NPSR1: variants seen among roughly 807,000 people sequenced by gnomAD.
The protein encoded by NPSR1 is neuropeptide S receptor 1.
A neutral mutation model predicts 46.9 loss-of-function variants in NPSR1; 48 were observed. The ratio of observed to expected loss-of-function variants is 1.02; its 90% CI spans 0.81 to 1.30. The LOEUF is 1.30. Ranked by LOEUF, NPSR1 falls within the 50% of genes most tolerant of loss-of-function variation. The probability of loss-of-function intolerance (pLI) is 0.00; values close to 1 mark genes in which losing one functional copy is unlikely to be tolerated. For missense variants in NPSR1, 450 were observed against 449.5 expected (o/e 1.00, Z -0.01); for synonymous variants, 176 against 168.1 (o/e 1.05, Z -0.36).
intron 2 of NPSR1, among the ~76,000 whole-genome samples, chr7:34,722,742 G>C (rs947915886): frequency 6.6e-6 from 1 of 152,198 alleles, no homozygotes; most frequent in South Asian, 2.1e-4. Flanking sequence ...GATGGTGTTG[G>C]AGATCCATTA....
chr7:34,715,797 G>A (rs562623795), intron 2 of NPSR1, among the ~76,000 whole-genome samples: 2 of 152,282 alleles, frequency 1.3e-5, no homozygotes, highest in African/African-American at 4.8e-5. Context: ...TAGCCCAGGG[G>A]CACCATGATG....
intron 2 of NPSR1, chr7:34,751,459 C>T: frequency 2.6e-6 from 3 of 1,142,286 alleles, no homozygotes; most frequent in Non-Finnish European, 4.0e-6. Flanking sequence ...TTCCATCTTG[C>T]AGAAGCCGCG....
chr7:34,781,675 G>T (rs1236481542), intron 3 of NPSR1, among the ~76,000 whole-genome samples: 2 of 152,164 alleles, frequency 1.3e-5, no homozygotes, highest in Admixed American at 1.3e-4. Context: ...AGAAGCAGTT[G>T]CTGTCGAGCT....
intron 2 of NPSR1, among the ~76,000 whole-genome samples, chr7:34,686,976 A>AAAG (rs1424683450): frequency 6.6e-6 from 1 of 151,246 alleles, no homozygotes; most frequent in Non-Finnish European, 1.5e-5. Context: ...AAAAAAAAAA[A>AAAG]AAAAAGAAAT....
intron 4 of NPSR1, among the ~76,000 whole-genome samples, chr7:34,825,122 G>C (rs1789759752): frequency 6.6e-6 from 1 of 152,098 alleles, no homozygotes; most frequent in Admixed American, 6.5e-5. Flanking sequence ...TCATGGCCTG[G>C]TGGTGGTGAA....
intron 2 of NPSR1, chr7:34,750,125 T>A (rs1263249714): frequency 3.7e-6 from 1 of 272,892 alleles, no homozygotes; most frequent in Non-Finnish European, 6.7e-6. Context: ...AGATCGTGTA[T>A]GTATTTTTTT....
chr7:34,690,920 T>G (rs528741881), intron 2 of NPSR1, among the ~76,000 whole-genome samples: 1 of 152,282 alleles, frequency 6.6e-6, no homozygotes, highest in African/African-American at 2.4e-5. Context: ...CCAAGACGTA[T>G]AGTCATCAGA....
intron 4 of NPSR1, among the ~76,000 whole-genome samples, chr7:34,821,729 C>T (rs1462295815): frequency 6.6e-6 from 1 of 152,170 alleles, no homozygotes; most frequent in African/African-American, 2.4e-5. Context: ...TGTGTAATAT[C>T]ATCAAGAGTG....
In NPSR1 at chr7:34,658,225, G is replaced by A. The variant is rs1791274239; in HGVS notation, c.-188G>A. ...CTATGCTGGCTACCTGGTGGTAATT[G>A]CCAAGGAGAGAGCAGCACGTAGATC... On this transcript the variant is annotated 5_prime_UTR_variant, in exon 1 of 9. Transcript: ENST00000360581. 3 of 610,328 alleles carry A rather than the reference G, an allele frequency of 4.9e-6. No individual in the cohort carries two copies. In the East Asian group the frequency reaches 8.7e-5, roughly 18 times the overall value. The allele number at this position is 610,328 out of a possible 1,614,324, so 37.8% of individuals were successfully genotyped here.
chr7:34,705,934 AT>A (rs71551069), intron 2 of NPSR1, among the ~76,000 whole-genome samples: 4 of 148,324 alleles, frequency 2.7e-5, no homozygotes, highest in South Asian at 2.1e-4. Flanking sequence ...TTTGGGTAGT[AT>A]TTTTTTTTTC....
chr7:34,818,787 T>C (rs932230138), intron 4 of NPSR1, among the ~76,000 whole-genome samples: 3 of 152,158 alleles, frequency 2.0e-5, no homozygotes, highest in African/African-American at 7.2e-5. Flanking sequence ...CATCTGATCT[T>C]TGACAAACCT....
chr7:34,790,841 A>AGGT (rs1787745341), intron 3 of NPSR1, among the ~76,000 whole-genome samples: 1 of 129,206 alleles, frequency 7.7e-6, no homozygotes, highest in Non-Finnish European at 1.6e-5. Flanking sequence ...GTTATGTTAT[A>AGGT]TATATGTTAT....
At chr7:34,843,911 G>T (rs537669808) in intron 6 of NPSR1, among the ~76,000 whole-genome samples, 8 of 152,212 alleles carry the variant, frequency 5.3e-5, no homozygotes, top group African/African-American at 1.9e-4. Context: ...AGCCCCACTG[G>T]GTGGCTCCTG....
intron 1 of NPSR1, among the ~76,000 whole-genome samples, chr7:34,681,685 A>G (rs1792642841): frequency 6.6e-6 from 1 of 152,188 alleles, no homozygotes; most frequent in Non-Finnish European, 1.5e-5. Context: ...GTGACCCACT[A>G]GAGCTGTGAA....
intron 2 of NPSR1, among the ~76,000 whole-genome samples, chr7:34,720,616 G>C (rs953319758): frequency 6.6e-6 from 1 of 152,076 alleles, no homozygotes; most frequent in Non-Finnish European, 1.5e-5. Context: ...GATGGGGGAT[G>C]GGGAGTGAGT....
intron 8 of NPSR1, among the ~76,000 whole-genome samples, chr7:34,848,891 C>T (rs751211879): frequency 2.0e-5 from 3 of 152,208 alleles, no homozygotes; most frequent in Non-Finnish European, 4.4e-5. Flanking sequence ...CTATAGAAAC[C>T]GCCTTAATCA....
intron 2 of NPSR1, among the ~76,000 whole-genome samples, chr7:34,701,222 C>T (rs543976758): frequency 2.0e-5 from 3 of 152,272 alleles, no homozygotes; most frequent in East Asian, 1.9e-4. Flanking sequence ...GAGACTTTTT[C>T]GGAACTCAGC....
chr7:34,784,742 A>T (rs1434876285), intron 3 of NPSR1, among the ~76,000 whole-genome samples: 1 of 152,156 alleles, frequency 6.6e-6, no homozygotes, highest in Non-Finnish European at 1.5e-5. Flanking sequence ...ATTGATTGGA[A>T]TAGTTTCAGA....
Position 34,783,115 on chromosome 7 carries a change from A to G in NPSR1, c.384+4550A>G, listed in dbSNP as rs1035938794. 7.9e-5 allele frequency among the ~76,000 whole-genome samples: 12 copies of G among 152,168 alleles called. 1 individual carries two copies. On this transcript the variant is annotated intron_variant, in intron 3 of 8. Transcript: ENST00000360581. Reference sequence around the variant, plus strand: ...AAAGAAAAAAGAATGAGAAAAGATGAAGAAAGCTTAAGAGATTTATGAGGC... The same window carrying G: ...AAAGAAAAAAGAATGAGAAAAGATGGAGAAAGCTTAAGAGATTTATGAGGC...
Sources: allele counts gnomAD v4.1 joint callset (sites outside exome capture counted in the v4.1 genomes callset), GRCh38; gene constraint gnomAD v4.1.1; transcripts MANE v1.5; gene names NCBI Gene and HGNC (gene_info 2026-07-23, HGNC 2026-07-21).